The following GALNT13 variants were observed in gnomAD, a reference collection of about 807,000 sequenced individuals.
GALNT13 encodes UDP-GalNAc:polypeptide N-acetylgalactosaminyltransferase 13.
In GALNT13, 28 loss-of-function variants were observed where a neutral mutation model predicts 64.2. That is an observed-to-expected ratio of 0.44 (90% CI 0.32 to 0.60). GALNT13 has a LOEUF of 0.60. GALNT13 is among the 20% of genes least tolerant of loss of function. GALNT13 has a pLI of 0.05. For synonymous variants in GALNT13, 214 were observed against 224.6 expected, an observed-to-expected ratio of 0.95 and a Z score of 0.42; for missense variants, 577 against 669.8, an observed-to-expected ratio of 0.86 and a Z score of 1.53.
chr2:153,723,108 ATCAAGTGGGCT>A, the GALNT13 span, among the ~76,000 whole-genome samples: 1,930 of 146,038 alleles, frequency 0.013, 46 homozygotes, highest in African/African-American at 0.046. Flanking sequence ...ATCCACCATG[ATCAAGTGGGCT>A]TCATCCCTGG....
rs529923767 is a variant in GALNT13, at chr2:154,397,670, G to A, written c.1296+1540G>A. 2.8e-4 allele frequency among the ~76,000 whole-genome samples: 42 copies of A among 152,150 alleles called. No individual in the cohort carries two copies. The East Asian group carries it at 6.8e-3, about 25-fold the overall frequency. On this transcript the variant is annotated intron_variant, in intron 10 of 12. Transcript: ENST00000392825. ...AAGAAAAAAATACTTGAGGTGACTGGAACCCTAGCTGAATCGTTTTTAATG... is the reference window on the plus strand; with the variant it reads ...AAGAAAAAAATACTTGAGGTGACTGAAACCCTAGCTGAATCGTTTTTAATG...
chr2:154,137,959 A>G (rs1425612979), intron 3 of GALNT13, among the ~76,000 whole-genome samples: 2 of 152,074 alleles, frequency 1.3e-5, no homozygotes, highest in Admixed American at 6.6e-5. Context: ...AAAGTTTCCC[A>G]TGATACAAAT....
chr2:154,425,103 G>T (rs182037745), intron 11 of GALNT13, among the ~76,000 whole-genome samples: 7 of 152,106 alleles, frequency 4.6e-5, no homozygotes, highest in Non-Finnish European at 8.8e-5. Flanking sequence ...TGCCATTTAG[G>T]ATATTATAAT....
chr2:154,423,469 T>C (rs1700342431), intron 11 of GALNT13, among the ~76,000 whole-genome samples: 1 of 152,174 alleles, frequency 6.6e-6, no homozygotes, highest in Non-Finnish European at 1.5e-5. Context: ...TAGTTCTAGA[T>C]CCTTGAGGAA....
At chr2:154,020,603 C>G (rs928732720) in intron 3 of GALNT13, among the ~76,000 whole-genome samples, 1 of 151,894 alleles carries the variant, frequency 6.6e-6, no homozygotes, top group African/African-American at 2.4e-5. Context: ...GATATCAGCC[C>G]TTTGTCAGAT....
chr2:154,186,498 G>A (rs1686260155), intron 4 of GALNT13, among the ~76,000 whole-genome samples: 1 of 152,044 alleles, frequency 6.6e-6, no homozygotes, highest in Non-Finnish European at 1.5e-5. Context: ...CACTAGTATA[G>A]TTTGCTGCCA....
At chr2:153,827,625 C>CAA in the GALNT13 span, among the ~76,000 whole-genome samples, 5 of 90,456 alleles carry the variant, frequency 5.5e-5, no homozygotes, top group Admixed American at 1.1e-4. Flanking sequence ...GACTCCGTCC[C>CAA]AAAAAAAAAA....
rs148643915 is a variant in GALNT13, at chr2:153,905,417, A to T, written c.-105+4410A>T. ...TACCTCTGATAAAGTTTAATTTATA[A>T]CTTAGGCACAGGAAGAAATTAACAA... On this transcript the variant is annotated intron_variant, in intron 2 of 12. Transcript: ENST00000392825. 6.5e-3 allele frequency among the ~76,000 whole-genome samples: 988 copies of T among 152,104 alleles called. 7 individuals carry two copies. The highest frequency in any genetic ancestry group is 0.022 in the African/African-American group (915 of 41,556).
At chr2:153,222,151 T>C in the GALNT13 span, among the ~76,000 whole-genome samples, 1 of 151,950 alleles carries the variant, frequency 6.6e-6, no homozygotes, top group Non-Finnish European at 1.5e-5. Context: ...GAGAGGAGTT[T>C]TGAGTGACAG....
chr2:154,263,219 C>G (rs1374260190), intron 8 of GALNT13, among the ~76,000 whole-genome samples: 1 of 152,212 alleles, frequency 6.6e-6, no homozygotes, highest in Non-Finnish European at 1.5e-5. Flanking sequence ...AGCTCTGGCA[C>G]TTACCATCTG....
chr2:153,871,430 C>T (rs1004851315), upstream of GALNT13, among the ~76,000 whole-genome samples: 1 of 152,144 alleles, frequency 6.6e-6, no homozygotes, highest in Admixed American at 6.5e-5. Context: ...CGTCAAGTAC[C>T]CCGCAGCATC....
At chr2:153,410,462 T>C in the GALNT13 span, among the ~76,000 whole-genome samples, 1 of 152,138 alleles carries the variant, frequency 6.6e-6, no homozygotes, top group Non-Finnish European at 1.5e-5. Flanking sequence ...AGAGAGAGCT[T>C]TCAACAAGCA....
chr2:153,504,356 C>A, the GALNT13 span, among the ~76,000 whole-genome samples: 1 of 152,130 alleles, frequency 6.6e-6, no homozygotes, highest in Non-Finnish European at 1.5e-5. Context: ...TTCTCTTTAC[C>A]AATTTGGATG....
At chr2:154,136,904 T>C (rs1682984232) in intron 3 of GALNT13, among the ~76,000 whole-genome samples, 2 of 152,082 alleles carry the variant, frequency 1.3e-5, no homozygotes, top group African/African-American at 4.8e-5. Flanking sequence ...CCTTCTGCAT[T>C]ACATTTGCCT....
At chr2:154,022,241 T>C (rs1697563747) in intron 3 of GALNT13, among the ~76,000 whole-genome samples, 2 of 152,224 alleles carry the variant, frequency 1.3e-5, no homozygotes, top group African/African-American at 4.8e-5. Context: ...GAGGATTCTC[T>C]CTTTTTCTAT....
chr2:153,939,481 A>T (rs1199859891), intron 2 of GALNT13, among the ~76,000 whole-genome samples: 3 of 152,188 alleles, frequency 2.0e-5, no homozygotes, highest in Non-Finnish European at 4.4e-5. Context: ...TTTAAAAGGG[A>T]GGTACAATTT....
chr2:153,709,867 T>G, the GALNT13 span, among the ~76,000 whole-genome samples: 8 of 152,038 alleles, frequency 5.3e-5, no homozygotes, highest in East Asian at 1.5e-3. Context: ...GTATGCTAAG[T>G]GAAATAACCT....
the GALNT13 span, among the ~76,000 whole-genome samples, chr2:153,751,183 T>C: frequency 6.6e-6 from 1 of 151,910 alleles, no homozygotes. Context: ...TGCCTGATAT[T>C]ATTTCAATTT....
chr2:153,670,370 C>T, the GALNT13 span, among the ~76,000 whole-genome samples: 1 of 152,190 alleles, frequency 6.6e-6, no homozygotes, highest in Non-Finnish European at 1.5e-5. Context: ...GCAATATTAG[C>T]TGTTCTGCAG....
Sources: gnomAD v4.1 joint callset for allele counts (sites outside exome capture counted in the v4.1 genomes callset) on GRCh38, gnomAD v4.1.1 for gene constraint, MANE v1.5 for transcripts, NCBI Gene and HGNC (gene_info 2026-07-23, HGNC 2026-07-21) for gene names.